The following ACOT1 variants were observed in gnomAD, a reference collection of about 807,000 sequenced individuals.
ACOT1 encodes acyl-coenzyme A thioesterase 1.
In ACOT1, 8 loss-of-function variants were observed where a neutral mutation model predicts 15.7. The ratio of observed to expected loss-of-function variants is 0.51; its 90% CI spans 0.30 to 0.92. ACOT1 has a LOEUF of 0.92. ACOT1 is among the 40% of genes least tolerant of loss of function. ACOT1 has a pLI of 0.06. For missense variants in ACOT1, 151 were observed against 539.4 expected, an observed-to-expected ratio of 0.28 and a Z score of 7.13; for synonymous variants, 67 against 241.2, an observed-to-expected ratio of 0.28 and a Z score of 6.69.
chr14:73,498,201 T>G, the ACOT1 span: 2 of 1,613,946 alleles, frequency 1.2e-6, no homozygotes, highest in Non-Finnish European at 1.7e-6. Flanking sequence ...TCTAGGAAGG[T>G]GTCCCTGACC....
the ACOT1 span, chr14:73,531,110 C>A: frequency 9.0e-6 from 1 of 111,652 alleles, no homozygotes; most frequent in Non-Finnish European, 1.9e-5. Context: ...CATCCAGCAC[C>A]TTTCAGATAC....
chr14:73,493,861 A>C, the ACOT1 span, among the ~76,000 whole-genome samples: 1 of 152,208 alleles, frequency 6.6e-6, no homozygotes, highest in Non-Finnish European at 1.5e-5. Context: ...AAAACAAAAA[A>C]GAATCTTATC....
At chr14:73,509,490 C>A in the ACOT1 span, 1 of 1,612,924 alleles carries the variant, frequency 6.2e-7, no homozygotes, top group Non-Finnish European at 8.5e-7. Context: ...TCAAAAGAGC[C>A]AGGTAAGAGA....
chr14:73,534,413 C>T (rs1383998919), upstream of ACOT1, among the ~76,000 whole-genome samples: 5 of 109,374 alleles, frequency 4.6e-5, 1 homozygote, highest in African/African-American at 9.0e-5. Flanking sequence ...AGAAACATGG[C>T]CGAGTGTAGT....
At chr14:73,501,141 TG>T in the ACOT1 span, among the ~76,000 whole-genome samples, 1 of 152,142 alleles carries the variant, frequency 6.6e-6, no homozygotes, top group Admixed American at 6.6e-5. Context: ...TTTTTTGAGA[TG>T]GAGTCTCGCT....
the ACOT1 span, chr14:73,499,284 C>T: frequency 4.2e-6 from 3 of 712,064 alleles, no homozygotes; most frequent in Non-Finnish European, 7.6e-6. Context: ...AGTTTGAGAC[C>T]AGCCTGGCCA....
At chr14:73,515,091 A>C in the ACOT1 span, among the ~76,000 whole-genome samples, 3 of 151,832 alleles carry the variant, frequency 2.0e-5, no homozygotes, top group African/African-American at 7.3e-5. Flanking sequence ...CAAAAAAAAA[A>C]CTATAGTTAT....
chr14:73,520,847 A>G, the ACOT1 span: 13 of 1,612,688 alleles, frequency 8.1e-6, no homozygotes, highest in African/African-American at 4.0e-5. Flanking sequence ...GCCCAGCTCT[A>G]TTACCAAAGT....
At chr14:73,520,806 G>T in the ACOT1 span, 3 of 1,539,310 alleles carry the variant, frequency 1.9e-6, no homozygotes, top group Non-Finnish European at 2.7e-6. Flanking sequence ...CACCTTCCTG[G>T]CCCATGTCCC....
chr14:73,519,992 A>G, the ACOT1 span: 1 of 152,266 alleles, frequency 6.6e-6, no homozygotes, highest in East Asian at 1.9e-4. Context: ...CCGTCTCAAT[A>G]GAAAAGAAAA....
At chr14:73,491,227 G>A in the ACOT1 span, 2 of 1,591,154 alleles carry the variant, frequency 1.3e-6, no homozygotes, top group Non-Finnish European at 1.7e-6. Context: ...GGGTGGAGTC[G>A]ACGGCCGACG....
upstream of ACOT1, among the ~76,000 whole-genome samples, chr14:73,535,067 T>C (rs1888817903): frequency 8.7e-6 from 1 of 115,320 alleles, no homozygotes; most frequent in South Asian, 2.8e-4. Flanking sequence ...GCTCATCATA[T>C]ATTCTTCTGC....
At chr14:73,536,923 C>T (rs1297630652), upstream of ACOT1, among the ~76,000 whole-genome samples, 2 of 114,296 alleles carry the variant, frequency 1.7e-5, 1 homozygote, top group Non-Finnish European at 3.8e-5. Flanking sequence ...AACTCCAGTC[C>T]TGCATTCCTC....
chr14:73,527,166 C>G, the ACOT1 span: 7 of 152,018 alleles, frequency 4.6e-5, no homozygotes, highest in Admixed American at 1.3e-4. Context: ...ATATAGAAAG[C>G]CTTCTCAAGG....
chr14:73,528,915 T>C, the ACOT1 span: 1 of 152,160 alleles, frequency 6.6e-6, no homozygotes, highest in Non-Finnish European at 1.5e-5. Context: ...AAAGGACTTA[T>C]TAATGGAGTT....
At chr14:73,509,567 TC>T in the ACOT1 span, 1 of 1,288,692 alleles carries the variant, frequency 7.8e-7, no homozygotes, top group Non-Finnish European at 1.1e-6. Flanking sequence ...CCAACCTCAG[TC>T]CCAGCTGCAG....
chr14:73,526,801 C>T, the ACOT1 span, among the ~76,000 whole-genome samples: 1 of 152,202 alleles, frequency 6.6e-6, no homozygotes, highest in Non-Finnish European at 1.5e-5. Context: ...CTAAGCAGTT[C>T]TGGCCACAGG....
chr14:73,500,794 C>T, the ACOT1 span: 8 of 1,454,020 alleles, frequency 5.5e-6, no homozygotes, highest in Non-Finnish European at 6.6e-6. Context: ...CCCCAACCCC[C>T]ACTAATGCCC....
Position 73,537,344 on chromosome 14 carries a change from G to C in ACOT1, c.-78G>C. 3 of 1,159,212 alleles carry C rather than the reference G, an allele frequency of 2.6e-6. 1 individual carries two copies. Among genetic ancestry groups the C allele is most frequent in the Non-Finnish European group, 3.4e-6 (3 of 869,992 alleles). The allele number at this position is 1,159,212 out of a possible 1,614,324, so 71.8% of individuals were successfully genotyped here. A position where few individuals can be genotyped will look rare whatever the true frequency, so the allele number is the denominator to read the frequency against. On this transcript the variant is annotated 5_prime_UTR_variant, in exon 1 of 3. Coordinates refer to ENST00000311148, the MANE Select transcript of ACOT1 (RefSeq NM_001037161.2). ...GGCGTTTAGCCTGCGACGGCAGCCC[G>C]AGAGGAAGAGTTGGGCAGAGTTGCA...
Sources: gnomAD v4.1 joint callset for allele counts (sites outside exome capture counted in the v4.1 genomes callset) on GRCh38, gnomAD v4.1.1 for gene constraint, MANE v1.5 for transcripts, NCBI Gene and HGNC (gene_info 2026-07-23, HGNC 2026-07-21) for gene names.